The following TGFBR3 variants were observed in gnomAD, a reference collection of about 807,000 sequenced individuals.
The protein encoded by TGFBR3 is transforming growth factor beta receptor 3.
A neutral mutation model predicts 87.9 loss-of-function variants in TGFBR3; 46 were observed. That is an observed-to-expected ratio of 0.52 (90% confidence interval 0.41 to 0.67). TGFBR3 has a LOEUF of 0.67. Ranked by LOEUF, TGFBR3 falls within the 30% of genes least tolerant of loss-of-function variation. TGFBR3 has a pLI of 0.00. For missense variants in TGFBR3, 866 were observed against 1,041.9 expected (o/e 0.83, Z 2.32); for synonymous variants, 381 against 391.6 (o/e 0.97, Z 0.32).
At chr1:91,777,692 C>T (rs1379307640) in intron 3 of TGFBR3, among the ~76,000 whole-genome samples, 2 of 151,604 alleles carry the variant, frequency 1.3e-5, no homozygotes, top group Non-Finnish European at 1.5e-5. Flanking sequence ...TTGATTACAT[C>T]TATTTGGTTA....
In TGFBR3 at chr1:91,884,516, A is replaced by G. The variant is rs182286376; in HGVS notation, c.-114+1362T>C. On this transcript the variant is annotated intron_variant, in intron 1 of 16. Coordinates refer to ENST00000212355, the MANE Select transcript of TGFBR3 (RefSeq NM_003243.5). ...ATAGAAAGCTGAAAGATGGGAGAAG[A>G]TGCATGGACTATGCACACAAATCTA... Among the ~76,000 whole-genome samples, 22 of 152,308 alleles carry G rather than the reference A, an allele frequency of 1.4e-4. No individual in the cohort carries two copies. In the East Asian group the frequency reaches 3.5e-3, roughly 24 times the overall value.
chr1:91,884,741 A>C (rs1679228325), intron 1 of TGFBR3, among the ~76,000 whole-genome samples: 4 of 152,252 alleles, frequency 2.6e-5, no homozygotes, highest in Admixed American at 2.6e-4. Flanking sequence ...TGGGCTTAGA[A>C]AACGTTAGCT....
intron 3 of TGFBR3, among the ~76,000 whole-genome samples, chr1:91,794,330 A>C (rs961665349): frequency 2.6e-5 from 4 of 151,926 alleles, no homozygotes; most frequent in Non-Finnish European, 5.9e-5. Context: ...CAGCCTCCCA[A>C]GTAGCTACGA....
intron 16 of TGFBR3, among the ~76,000 whole-genome samples, chr1:91,691,425 C>T (rs1671261236): frequency 6.6e-6 from 1 of 152,170 alleles, no homozygotes; most frequent in Admixed American, 6.5e-5. Context: ...CAGCTCTGAA[C>T]TTCTCAACAG....
chr1:91,898,230 T>C (rs928104403), intron 2 of TGFBR3, among the ~76,000 whole-genome samples: 1 of 152,112 alleles, frequency 6.6e-6, no homozygotes, highest in East Asian at 1.9e-4. Context: ...CCTTCCAGTG[T>C]GTCCCTTTCT....
chr1:91,774,500 T>C (rs1674500116), intron 3 of TGFBR3, among the ~76,000 whole-genome samples: 1 of 152,162 alleles, frequency 6.6e-6, no homozygotes. Flanking sequence ...TTTTTTTTAT[T>C]GAAATATAAG....
intron 1 of TGFBR3, among the ~76,000 whole-genome samples, chr1:91,902,219 C>G (rs1342893962): frequency 6.6e-6 from 1 of 151,778 alleles, no homozygotes; most frequent in African/African-American, 2.4e-5. Flanking sequence ...TTTCACTCCT[C>G]CATTAGAGAA....
intron 16 of TGFBR3, among the ~76,000 whole-genome samples, chr1:91,692,789 G>A (rs1671309916): frequency 5.3e-5 from 8 of 152,234 alleles, no homozygotes; most frequent in Admixed American, 2.0e-4. Flanking sequence ...TCTTTGTAGA[G>A]TAACACACAT....
At chr1:91,860,909 G>A (rs1471082329) in intron 2 of TGFBR3, among the ~76,000 whole-genome samples, 1 of 125,698 alleles carries the variant, frequency 8.0e-6, no homozygotes, top group African/African-American at 2.9e-5. Flanking sequence ...TCCAGCCTGG[G>A]TGACAGAGCA....
intron 4 of TGFBR3, among the ~76,000 whole-genome samples, chr1:91,735,990 C>T (rs1672954479): frequency 6.6e-6 from 1 of 152,076 alleles, no homozygotes; most frequent in African/African-American, 2.4e-5. Flanking sequence ...AGAAGCAAGT[C>T]GAGGGCAGGG....
rs1671004681 is a variant in TGFBR3, at chr1:91,683,939, A to G, written c.2438-82T>C. 8.3e-6 allele frequency: 11 copies of G among 1,331,812 alleles called. No individual in the cohort carries two copies. The South Asian group carries it at 1.3e-4, about 15-fold the overall frequency. The allele number at this position is 1,331,812 out of a possible 1,614,324, so 82.5% of individuals were successfully genotyped here. A position where few individuals can be genotyped will look rare whatever the true frequency, so the allele number is the denominator to read the frequency against. On this transcript the variant is annotated intron_variant, in intron 16 of 16. Transcript: ENST00000212355. ...TTCCTGAAAAGATCATTTATTCCGC[A>G]TTTGCCATTTTAACTGATATTTTTC...
At chr1:91,836,616 C>T (rs1442174418) in intron 2 of TGFBR3, among the ~76,000 whole-genome samples, 2 of 151,898 alleles carry the variant, frequency 1.3e-5, no homozygotes, top group Non-Finnish European at 2.9e-5. Context: ...AGTACTTAAA[C>T]CTTTGAAATT....
At position 91,757,045 on chromosome 1, in the gene TGFBR3, ACTGTCCCC is replaced by A. The variant is rs1673770370; in HGVS notation, c.384+1560_384+1567del. Reference sequence around the variant, plus strand: ...AATTTATTTATATAAAATACAATCCACTGTCCCCCTAATGTCTTTTATAGCAGCTGCCC... The same window carrying A: ...AATTTATTTATATAAAATACAATCCACTAATGTCTTTTATAGCAGCTGCCC... On this transcript the variant is annotated intron_variant, in intron 4 of 16. Transcript: ENST00000212355. 5.3e-5 allele frequency among the ~76,000 whole-genome samples: 8 copies of A among 152,276 alleles called. No homozygotes were observed. In the South Asian group the frequency reaches 1.5e-3, roughly 28 times the overall value.
intron 2 of TGFBR3, among the ~76,000 whole-genome samples, chr1:91,827,302 A>C (rs2101076109): frequency 6.6e-6 from 1 of 152,288 alleles, no homozygotes; most frequent in South Asian, 2.1e-4. Context: ...ACTGGTTTCT[A>C]TTCTCAGCAT....
intron 4 of TGFBR3, among the ~76,000 whole-genome samples, chr1:91,746,237 C>T (rs1673341104): frequency 6.6e-6 from 1 of 152,178 alleles, no homozygotes; most frequent in South Asian, 2.1e-4. Context: ...AACAACAGTA[C>T]ATGTGAGTGT....
intron 2 of TGFBR3, among the ~76,000 whole-genome samples, chr1:91,852,927 G>A (rs528561224): frequency 4.3e-4 from 65 of 152,132 alleles, no homozygotes; most frequent in African/African-American, 1.3e-3. Context: ...GGCCGATATG[G>A]GTGGACCACT....
intron 3 of TGFBR3, among the ~76,000 whole-genome samples, chr1:91,767,009 G>A (rs1454061443): frequency 1.5e-5 from 2 of 133,618 alleles, no homozygotes; most frequent in Non-Finnish European, 3.3e-5. Context: ...GTGGGAGATG[G>A]ATTTGAGTTT....
chr1:91,824,954 C>T (rs11165560), intron 2 of TGFBR3, among the ~76,000 whole-genome samples: 43,564 of 151,166 alleles, frequency 0.29, 7,004 homozygotes, highest in African/African-American at 0.43. Flanking sequence ...AGCAAGACTC[C>T]GTCTCAAAAA....
intron 16 of TGFBR3, among the ~76,000 whole-genome samples, chr1:91,689,880 T>C (rs1240061665): frequency 6.7e-6 from 1 of 149,310 alleles, no homozygotes; most frequent in East Asian, 1.9e-4. Context: ...GGTACGACTT[T>C]GCATAGAGAT....
Sources: allele counts gnomAD v4.1 joint callset (sites outside exome capture counted in the v4.1 genomes callset), GRCh38; gene constraint gnomAD v4.1.1; transcripts MANE v1.5; gene names NCBI Gene and HGNC (gene_info 2026-07-23, HGNC 2026-07-21).